The following EHD4 variants were observed in gnomAD, a reference collection of about 807,000 sequenced individuals.
EHD4 encodes the protein EH domain containing 4, also known as EH domain-containing protein 4.
Under a neutral mutation model 51.0 loss-of-function variants are expected in EHD4, and 37 were observed. The observed-to-expected ratio is 0.73, with a 90% CI of 0.56 to 0.95. The LOEUF is 0.95. Among genes scored for constraint, EHD4 ranks in the 40% least tolerant of loss-of-function variants. The pLI, the probability that EHD4 is intolerant of heterozygous loss-of-function variation, is 0.00. For synonymous variants in EHD4, 297 were observed against 317.3 expected, an observed-to-expected ratio of 0.94 and a Z score of 0.68; for missense variants, 632 against 733.1, an observed-to-expected ratio of 0.86 and a Z score of 1.59.
intron 3 of EHD4, among the ~76,000 whole-genome samples, chr15:41,923,390 C>T (rs567285187): frequency 6.6e-6 from 1 of 152,292 alleles, no homozygotes; most frequent in African/African-American, 2.4e-5. Flanking sequence ...TACCTAGCTA[C>T]CCAAAAATCC....
chr15:41,914,415 A>G (rs1006216547), intron 4 of EHD4, among the ~76,000 whole-genome samples: 1 of 152,190 alleles, frequency 6.6e-6, no homozygotes, highest in African/African-American at 2.4e-5. Context: ...AGATGAACCC[A>G]TGGGGTAACA....
At chr15:41,950,943 G>A (rs2067848795) in intron 2 of EHD4, among the ~76,000 whole-genome samples, 2 of 152,110 alleles carry the variant, frequency 1.3e-5, no homozygotes, top group African/African-American at 4.8e-5. Context: ...TGATGACTTG[G>A]GACATAATCA....
intron 3 of EHD4, among the ~76,000 whole-genome samples, chr15:41,934,659 C>G (rs929235580): frequency 7.9e-5 from 12 of 152,118 alleles, no homozygotes; most frequent in African/African-American, 2.9e-4. Context: ...TCTGTGGACC[C>G]TGGGGCTCAC....
intron 4 of EHD4, 131 bp from the exon 5 acceptor site, chr15:41,909,994 G>A (rs566020729): frequency 2.3e-5 from 27 of 1,193,276 alleles, no homozygotes; most frequent in Admixed American, 4.1e-5. Context: ...AAGGACAGGA[G>A]GAGGGGAGGG....
chr15:41,966,516 G>A (rs943902887), intron 1 of EHD4, among the ~76,000 whole-genome samples: 3 of 152,132 alleles, frequency 2.0e-5, no homozygotes, highest in Admixed American at 2.0e-4. Context: ...CTAAGGATTG[G>A]TTCAGGGATG....
At chr15:41,931,916 C>T (rs889261095) in intron 3 of EHD4, among the ~76,000 whole-genome samples, 1 of 152,058 alleles carries the variant, frequency 6.6e-6, no homozygotes, top group Admixed American at 6.5e-5. Flanking sequence ...ACCTCGTGAT[C>T]CGCCCACCTC....
intron 2 of EHD4, among the ~76,000 whole-genome samples, 172 bp from the exon 3 acceptor site, chr15:41,943,336 G>A (rs2067789462): frequency 6.6e-6 from 1 of 152,190 alleles, no homozygotes; most frequent in South Asian, 2.1e-4. Context: ...GGAGCTTGGA[G>A]GAGATTGATA....
intron 3 of EHD4, among the ~76,000 whole-genome samples, chr15:41,920,009 G>C (rs2067614383): frequency 1.3e-5 from 2 of 152,180 alleles, no homozygotes; most frequent in Non-Finnish European, 2.9e-5. Context: ...CTTCTGAAAA[G>C]TCTCACTTTT....
chr15:41,909,676 A>G, intron 5 of EHD4, 23 bp downstream of exon 5: 1 of 1,613,506 alleles, frequency 6.2e-7, no homozygotes, highest in Non-Finnish European at 8.5e-7. Context: ...TCTGCCCGTG[A>G]CATTGTAGTG....
At chr15:41,919,740 C>G in intron 3 of EHD4, 118 bp from the exon 4 acceptor site, 7 of 1,022,546 alleles carry the variant, frequency 6.8e-6, no homozygotes, top group Non-Finnish European at 9.1e-6. Flanking sequence ...TGTCTCCAAC[C>G]TGGAGGCAGT....
At chr15:41,927,408 G>A (rs978278242) in intron 3 of EHD4, among the ~76,000 whole-genome samples, 2 of 152,146 alleles carry the variant, frequency 1.3e-5, no homozygotes, top group Non-Finnish European at 2.9e-5. Flanking sequence ...ATTGATGGAC[G>A]CTTTATGGCA....
intron 1 of EHD4, among the ~76,000 whole-genome samples, chr15:41,971,055 A>T (rs917417532): frequency 6.6e-6 from 1 of 152,232 alleles, no homozygotes; most frequent in Non-Finnish European, 1.5e-5. Flanking sequence ...TATTATCTAG[A>T]ACGACATTTC....
At chr15:41,939,173 T>G (rs2067750574) in intron 3 of EHD4, among the ~76,000 whole-genome samples, 2 of 152,202 alleles carry the variant, frequency 1.3e-5, no homozygotes, top group African/African-American at 2.4e-5. Flanking sequence ...GAAAGCAATT[T>G]AGAAAACCGC....
At chr15:41,969,955 C>T (rs747799156) in intron 1 of EHD4, among the ~76,000 whole-genome samples, 1 of 152,198 alleles carries the variant, frequency 6.6e-6, no homozygotes, top group Non-Finnish European at 1.5e-5. Context: ...CAAGTATGAG[C>T]TTCTAGGGCC....
intron 3 of EHD4, chr15:41,941,595 T>TG (rs2067771408): frequency 6.9e-6 from 1 of 144,470 alleles, no homozygotes; most frequent in Admixed American, 7.1e-5. Flanking sequence ...TTTTTTTTTG[T>TG]TTTTTTTTCA....
intron 1 of EHD4, among the ~76,000 whole-genome samples, chr15:41,970,069 C>T (rs1401726734): frequency 3.3e-5 from 5 of 152,170 alleles, no homozygotes. Context: ...AAGATGAATC[C>T]ATGGTTCATT....
At chr15:41,959,689 C>T (rs1450156978) in intron 1 of EHD4, among the ~76,000 whole-genome samples, 1 of 151,814 alleles carries the variant, frequency 6.6e-6, no homozygotes, top group Non-Finnish European at 1.5e-5. Context: ...AGTTTCTGGC[C>T]GGGCACGGTG....
Position 41,944,846 on chromosome 15 carries a change from G to A in EHD4, c.414-1682C>T, listed in dbSNP as rs920816556. On this transcript the variant is annotated intron_variant, in intron 2 of 5. Coordinates refer to ENST00000220325, the MANE Select transcript of EHD4 (RefSeq NM_139265.4). ...AAAGTAAAGGGTCAAGTTAGTGGAAGAGAAGCCCCCAATTTCCACCTGTCT... is the reference window on the plus strand; with the variant it reads ...AAAGTAAAGGGTCAAGTTAGTGGAAAAGAAGCCCCCAATTTCCACCTGTCT... Among the ~76,000 whole-genome samples the A allele has an allele frequency of 8.3e-4, 126 of 152,308 alleles. 1 individual carries two copies. The highest frequency in any genetic ancestry group is 3.0e-3 in the African/African-American group (123 of 41,570).
chr15:41,962,006 C>CA (rs773441231), intron 1 of EHD4, among the ~76,000 whole-genome samples: 75 of 151,354 alleles, frequency 5.0e-4, no homozygotes, highest in South Asian at 2.9e-3. Context: ...AATACCCTGC[C>CA]AAAAAAAATA....
Sources: allele counts gnomAD v4.1 joint callset (sites outside exome capture counted in the v4.1 genomes callset), GRCh38; gene constraint gnomAD v4.1.1; transcripts MANE v1.5; gene names NCBI Gene and HGNC (gene_info 2026-07-23, HGNC 2026-07-21).